CHST9: variants seen among roughly 807,000 people sequenced by gnomAD.
CHST9 encodes the protein carbohydrate sulfotransferase 9.
Under a neutral mutation model 44.4 loss-of-function variants are expected in CHST9, and 41 were observed. That is an observed-to-expected ratio of 0.92 (90% CI 0.72 to 1.20). The LOEUF (loss-of-function observed/expected upper bound fraction) is 1.20. CHST9 is among the 50% of genes most tolerant of loss of function. The pLI is 0.00. For missense variants in CHST9, 504 were observed against 516.5 expected (o/e 0.98, Z 0.23); for synonymous variants, 171 against 178.4 (o/e 0.96, Z 0.33).
chr18:27,095,512 C>T (rs1277429958), intron 2 of CHST9, among the ~76,000 whole-genome samples: 1 of 152,084 alleles, frequency 6.6e-6, no homozygotes, highest in Non-Finnish European at 1.5e-5. Context: ...GATGAAAAAA[C>T]AAGACCCATC....
intron 2 of CHST9, among the ~76,000 whole-genome samples, chr18:27,110,340 G>C (rs1013230650): frequency 6.6e-6 from 1 of 151,284 alleles, no homozygotes; most frequent in South Asian, 2.1e-4. Flanking sequence ...TATAGTTTTC[G>C]GATTCCCTGA....
At chr18:26,958,133 A>G (rs979525496) in intron 4 of CHST9, among the ~76,000 whole-genome samples, 1 of 151,042 alleles carries the variant, frequency 6.6e-6, no homozygotes, top group African/African-American at 2.4e-5. Flanking sequence ...TGATCCACCT[A>G]CCTTGGCCTC....
intron 4 of CHST9, among the ~76,000 whole-genome samples, chr18:26,971,585 G>A (rs1276288510): frequency 6.6e-6 from 1 of 152,198 alleles, no homozygotes; most frequent in Non-Finnish European, 1.5e-5. Flanking sequence ...ATCACTCAGG[G>A]AGCAAGCCCA....
intron 4 of CHST9, among the ~76,000 whole-genome samples, chr18:27,008,013 C>T (rs1326166034): frequency 1.3e-5 from 2 of 151,972 alleles, no homozygotes; most frequent in African/African-American, 4.8e-5. Flanking sequence ...GGTTAAAGAT[C>T]CAGAAGAGAA....
chr18:27,111,789 A>G (rs889623554), intron 2 of CHST9, among the ~76,000 whole-genome samples: 1 of 152,206 alleles, frequency 6.6e-6, no homozygotes, highest in Non-Finnish European at 1.5e-5. Flanking sequence ...GTGAGTGGGC[A>G]TCACCTAATT....
In CHST9 at chr18:27,024,743, C is replaced by T. The variant is rs141813356; in HGVS notation, c.161-586G>A. On this transcript the variant is annotated intron_variant, in intron 3 of 5. Coordinates refer to ENST00000618847, the MANE Select transcript of CHST9 (RefSeq NM_031422.6). The stretch of plus-strand genomic sequence containing the variant: ...AAAAAGAGGGCTCTGAGGCAAGCAA[C>T]CCCACGGATATTTAAATTATCCAGA... Among the ~76,000 whole-genome samples, 623 of 152,186 alleles carry T rather than the reference C, an allele frequency of 4.1e-3. 4 individuals carry two copies. The highest frequency in any genetic ancestry group is 0.014 in the African/African-American group (601 of 41,532).
At chr18:27,004,697 C>T (rs534806787) in intron 4 of CHST9, among the ~76,000 whole-genome samples, 94 of 152,234 alleles carry the variant, frequency 6.2e-4, no homozygotes, top group Admixed American at 1.1e-3. Flanking sequence ...TTTCCCTTTT[C>T]GTAGTACAAA....
intron 2 of CHST9, among the ~76,000 whole-genome samples, chr18:27,068,819 A>G (rs1568159323): frequency 6.6e-6 from 1 of 152,210 alleles, no homozygotes; most frequent in Non-Finnish European, 1.5e-5. Context: ...ATGATTTCAC[A>G]TCGTCATATG....
At chr18:26,970,205 G>T (rs972963713) in intron 4 of CHST9, among the ~76,000 whole-genome samples, 3 of 152,110 alleles carry the variant, frequency 2.0e-5, no homozygotes, top group Non-Finnish European at 2.9e-5. Flanking sequence ...CTAAAATACA[G>T]ATTTCTGATC....
intron 1 of CHST9, among the ~76,000 whole-genome samples, chr18:27,148,512 G>T (rs1373945927): frequency 1.4e-5 from 2 of 145,952 alleles, no homozygotes; most frequent in Non-Finnish European, 3.0e-5. Context: ...GCGGTGTTTG[G>T]TTTTTTGTCC....
At chr18:27,114,430 A>G (rs1405410539) in intron 2 of CHST9, among the ~76,000 whole-genome samples, 1 of 152,148 alleles carries the variant, frequency 6.6e-6, no homozygotes, top group African/African-American at 2.4e-5. Flanking sequence ...GTTTTTTCAG[A>G]GTCTACTTTT....
rs1260745380 is a variant in CHST9 at position 26,986,855 on chromosome 18, TTAAA to T, written c.202+37257_202+37260del. ...CAAAAATGTCTTTCAAAAATAAAGG[TTAAA>T]TAAAGATGTTTGTGTACATATAAAA... On this transcript the variant is annotated intron_variant, in intron 4 of 5. Coordinates refer to ENST00000618847, the MANE Select transcript of CHST9 (RefSeq NM_031422.6). Among the ~76,000 whole-genome samples the T allele has an allele frequency of 2.0e-5, 3 of 152,204 alleles. No individual in the cohort carries two copies. In the South Asian group the frequency reaches 6.2e-4, roughly 32 times the overall value.
intron 4 of CHST9, among the ~76,000 whole-genome samples, chr18:26,980,659 A>G (rs1568119403): frequency 6.6e-6 from 1 of 152,176 alleles, no homozygotes; most frequent in African/African-American, 2.4e-5. Context: ...TTCAGCATGC[A>G]GATTTAATTA....
rs1223642340 is a variant in CHST9 at position 26,906,644 on chromosome 18, T to C, written c.*9615A>G. On this transcript the variant is annotated 3_prime_UTR_variant, in exon 6 of 6. Transcript: ENST00000618847. ...TTCAGAGGTCCCAACATTTGAAAGT[T>C]GAGGATACGGAATTCAAACCCAGTT... 1 of 152,172 alleles carries C rather than the reference T, an allele frequency of 6.6e-6. No homozygotes were observed. Among genetic ancestry groups the C allele is most frequent in the Non-Finnish European group, 1.5e-5 (1 of 68,036 alleles). 9.4% of individuals were successfully genotyped at this position (152,172 alleles called of 1,614,324 possible).
intron 2 of CHST9, among the ~76,000 whole-genome samples, chr18:27,122,507 C>A (rs1414701349): frequency 2.6e-5 from 4 of 152,170 alleles, no homozygotes; most frequent in Admixed American, 2.0e-4. Context: ...AAAGAAAGTA[C>A]ATAATTACGC....
chr18:26,981,864 C>T (rs1480709008), intron 4 of CHST9, among the ~76,000 whole-genome samples: 3 of 152,184 alleles, frequency 2.0e-5, no homozygotes, highest in African/African-American at 7.2e-5. Flanking sequence ...CCATTTTCCT[C>T]CATGCCGTCA....
chr18:27,151,221 T>C (rs1243627979), intron 1 of CHST9, among the ~76,000 whole-genome samples: 2 of 152,186 alleles, frequency 1.3e-5, no homozygotes, highest in Non-Finnish European at 2.9e-5. Context: ...GTGTAATTCC[T>C]GAAATTTTGT....
intron 2 of CHST9, among the ~76,000 whole-genome samples, chr18:27,072,162 G>A (rs1470897470): frequency 6.6e-6 from 1 of 152,280 alleles, no homozygotes; most frequent in East Asian, 1.9e-4. Context: ...GTGAGCTTGT[G>A]AAGTCTCTGC....
At chr18:27,148,659 G>A (rs2058635123) in intron 1 of CHST9, among the ~76,000 whole-genome samples, 2 of 150,624 alleles carry the variant, frequency 1.3e-5, no homozygotes, top group South Asian at 2.2e-4. Context: ...GTCTATCAAT[G>A]TTGGACATTT....
Sources: allele counts gnomAD v4.1 joint callset (sites outside exome capture counted in the v4.1 genomes callset), GRCh38; gene constraint gnomAD v4.1.1; transcripts MANE v1.5; gene names NCBI Gene and HGNC (gene_info 2026-07-23, HGNC 2026-07-21).